Variants in EXD3 observed in about 807,000 individuals in gnomAD.
EXD3 encodes the protein exonuclease mut-7 homolog.
In EXD3, 92 loss-of-function variants were observed where a neutral mutation model predicts 98.0. The ratio of observed to expected loss-of-function variants is 0.94; its 90% CI spans 0.79 to 1.12. The LOEUF (loss-of-function observed/expected upper bound fraction) is 1.12. Among genes scored for constraint, EXD3 ranks in the 50% most tolerant of loss-of-function variants. EXD3 has a pLI of 0.00. For missense variants in EXD3, 1,222 were observed against 1,191.6 expected (o/e 1.03, Z -0.38); for synonymous variants, 569 against 526.0 (o/e 1.08, Z -1.12).
chr9:137,395,349 T>C lies in EXD3; in HGVS notation c.9A>G (p.Pro3=). MD[P]GDPAGDPAAG... is the part of the protein sequence containing the mutation. ...CGGCAGGGTCACCAGCGGGATCTCC[T>C]GGGTCCATCCTCAGGGCCGGGCCGA... is the stretch of plus-strand genomic sequence containing the variant. Residue 3 remains proline (P), a synonymous_variant, in exon 2 of 22, where the codon CCA becomes CCG. Coordinates refer to ENST00000340951, the MANE Select transcript of EXD3 (RefSeq NM_017820.5). This position sits in a 1 kb window ranked among gnomAD's most constrained non-coding sequence, Gnocchi z 6.5. 1 of 1,613,222 alleles carries C rather than the reference T, an allele frequency of 6.2e-7. No individual in the cohort carries two copies. The highest frequency in any genetic ancestry group is 8.5e-7 in the Non-Finnish European group (1 of 1,179,760).
At position 137,307,115 on chromosome 9, in the gene EXD3, C is replaced by G. The variant is rs769764009; in HGVS notation, c.2466G>C (p.Arg822Ser). 1 of 1,606,718 alleles carries G rather than the reference C, an allele frequency of 6.2e-7. No individual in the cohort carries two copies. The highest frequency in any genetic ancestry group is 1.3e-5 in the African/African-American group (1 of 74,796). Residue 822 changes from arginine to serine, a missense_variant, in exon 22 of 22, where the codon AGG becomes AGC. Arg to Ser is a moderately radical substitution (Grantham distance 110). Transcript: ENST00000340951. Reference protein sequence around the residue: ...QLAGVPVGVLRTPGLRCFYCC... With the variant: ...QLAGVPVGVLSTPGLRCFYCC... ...AGTAGAAGCACCGCAGCCCAGGTGTCCTCAGCACACCCACCGGGACCCCTG... is the reference window on the plus strand; with the variant it reads ...AGTAGAAGCACCGCAGCCCAGGTGTGCTCAGCACACCCACCGGGACCCCTG...
At chr9:137,398,355 C>T (rs1051023843) in intron 1 of EXD3, among the ~76,000 whole-genome samples, 9 of 152,232 alleles carry the variant, frequency 5.9e-5, no homozygotes, top group African/African-American at 1.9e-4. Flanking sequence ...CAGCCCTGCT[C>T]ACCCTGGACC....
chr9:137,406,544 G>A (rs940046439), intron 1 of EXD3, among the ~76,000 whole-genome samples: 5 of 152,186 alleles, frequency 3.3e-5, no homozygotes, highest in Non-Finnish European at 5.9e-5. Flanking sequence ...TGCCCCTGGC[G>A]TGCCCCGTGG....
intron 19 of EXD3, among the ~76,000 whole-genome samples, chr9:137,313,482 C>A (rs143525929): frequency 1.1e-3 from 168 of 152,266 alleles, no homozygotes; most frequent in African/African-American, 3.9e-3. Context: ...CCAAGCCCAG[C>A]TAGACATGAC....
At chr9:137,332,810 A>C (rs1025132269) in intron 17 of EXD3, among the ~76,000 whole-genome samples, 4 of 152,180 alleles carry the variant, frequency 2.6e-5, no homozygotes, top group African/African-American at 7.2e-5. Flanking sequence ...GCGCCACTGC[A>C]CTCCAGCCTG....
chr9:137,410,133 G>A (rs2131821381), intron 1 of EXD3, among the ~76,000 whole-genome samples: 1 of 151,856 alleles, frequency 6.6e-6, no homozygotes, highest in African/African-American at 2.4e-5. Flanking sequence ...CCGAGACCGT[G>A]CCACTACACT....
rs765962766 is a variant in EXD3, at chr9:137,373,438, C to T, written c.282G>A (p.Pro94=). ...LQCWLQAQPC[P]SLAQHSLRLK... is the part of the protein sequence containing the mutation. ...CCCATGGGCTCACCTGGGCCAGGCT[C>T]GGGCATGGCTGTGCCTGTAGCCAGC... is the stretch of plus-strand genomic sequence containing the variant. Residue 94 remains proline (P), a synonymous_variant, in exon 4 of 22, where the codon CCG becomes CCA. Coordinates refer to ENST00000340951, the MANE Select transcript of EXD3 (RefSeq NM_017820.5). The T allele has an allele frequency of 1.0e-5, 16 of 1,607,472 alleles. No individual in the cohort carries two copies. The highest frequency in any genetic ancestry group is 2.7e-5 in the African/African-American group (2 of 74,850).
intron 8 of EXD3, among the ~76,000 whole-genome samples, chr9:137,355,678 T>TGGAGGAAGGAGGAAGGAGGAAGGAGGAA (rs1834714073): frequency 9.2e-5 from 1 of 10,920 alleles, no homozygotes; most frequent in Non-Finnish European, 1.8e-4. Flanking sequence ...AAAGGGAGGA[T>TGGAGGAAGGAGGAAGGAGGAAGGAGGAA]GGAGGAAGGA....
chr9:137,326,628 T>C (rs1832417521), intron 17 of EXD3, among the ~76,000 whole-genome samples: 1 of 152,174 alleles, frequency 6.6e-6, no homozygotes, highest in Admixed American at 6.5e-5. Flanking sequence ...TTATTCGTCA[T>C]GAGCGACATG....
chr9:137,352,002 C>T, intron 12 of EXD3, 64 bp downstream of exon 12: 1 of 1,537,592 alleles, frequency 6.5e-7, no homozygotes. Context: ...GCCCCTGATG[C>T]TCCTCCAGTG....
intron 17 of EXD3, among the ~76,000 whole-genome samples, chr9:137,337,718 G>A (rs571864409): frequency 9.9e-5 from 15 of 152,080 alleles, no homozygotes; most frequent in Admixed American, 8.5e-4. Flanking sequence ...ATATGTTGGG[G>A]GGTAGGTGGA....
In EXD3 at chr9:137,356,291, T is replaced by C. The variant is rs1834783024; in HGVS notation, c.734A>G (p.Gln245Arg). The change falls in exon 8 of 22, where the codon CAG becomes CGG. Residue 245 changes from glutamine (Q) to arginine (R), a missense_variant. Transcript: ENST00000340951. Reference protein sequence around the residue: ...KALSRQVLRLQERYGVAPALC... With the variant: ...KALSRQVLRLRERYGVAPALC... ...ACCTGGGGCTACGCCGTACCGCTCC[T>C]GCAGACGCAAGACCTGCCTGCTCAG... The C allele has an allele frequency of 1.2e-6, 2 of 1,603,816 alleles. No homozygotes were observed. The highest frequency in any genetic ancestry group is 1.3e-5 in the African/African-American group (1 of 74,846).
intron 7 of EXD3, 75 bp from the exon 8 acceptor site, chr9:137,356,443 G>T: frequency 1.0e-6 from 1 of 1,001,562 alleles, no homozygotes; most frequent in South Asian, 1.4e-5. Context: ...TTTCATCATA[G>T]TCATATGCAT....
chr9:137,369,788 G>A (rs957076266), intron 5 of EXD3, among the ~76,000 whole-genome samples: 2 of 152,188 alleles, frequency 1.3e-5, no homozygotes, highest in Admixed American at 6.5e-5. Context: ...CGCACGCTGC[G>A]ACCCCGTCAG....
intron 1 of EXD3, among the ~76,000 whole-genome samples, chr9:137,399,449 TG>T (rs1173966042): frequency 6.6e-6 from 1 of 152,258 alleles, no homozygotes; most frequent in Non-Finnish European, 1.5e-5. Context: ...TCTGCCTTTT[TG>T]GGAGATTTCC....
In EXD3 at chr9:137,356,387, A is replaced by G; in HGVS notation, c.657-19T>C. ...GTACCGTCTGTGGGGAGAGAGAGGC[A>G]CAGCCTCTGTTGCTGTTTTAAGTTA... On this transcript the variant is annotated intron_variant, in intron 7 of 21. Transcript: ENST00000340951. 1 of 1,443,044 alleles carries G rather than the reference A, an allele frequency of 6.9e-7. No individual in the cohort carries two copies. Among genetic ancestry groups the G allele is most frequent in the Non-Finnish European group, 9.6e-7 (1 of 1,037,436 alleles). The allele number at this position is 1,443,044 out of a possible 1,614,324, so 89.4% of individuals were successfully genotyped here.
chr9:137,380,368 C>A (rs1207254229), intron 3 of EXD3, among the ~76,000 whole-genome samples: 1 of 99,122 alleles, frequency 1.0e-5, no homozygotes, highest in Non-Finnish European at 2.1e-5. Context: ...CGGGCATCCC[C>A]CTCAATCCTC....
At chr9:137,372,757 G>A (rs985849003) in intron 5 of EXD3, 148 bp downstream of exon 5, 27 of 805,634 alleles carry the variant, frequency 3.4e-5, no homozygotes, top group African/African-American at 3.0e-4. Flanking sequence ...CACAGCTGAT[G>A]GCTGCCCACG....
At chr9:137,387,383 T>C (rs1468640499) in intron 2 of EXD3, among the ~76,000 whole-genome samples, 2 of 152,084 alleles carry the variant, frequency 1.3e-5, no homozygotes, top group African/African-American at 4.8e-5. Flanking sequence ...CCTGAGTCTC[T>C]CGGGCCAGAG....
Sources: allele counts gnomAD v4.1 joint callset (sites outside exome capture counted in the v4.1 genomes callset), GRCh38; gene constraint gnomAD v4.1.1; non-coding constraint Gnocchi (gnomAD v3.1); transcripts MANE v1.5; gene names NCBI Gene and HGNC (gene_info 2026-07-23, HGNC 2026-07-21).